GABRB3: variants seen among roughly 807,000 people sequenced by gnomAD.
The protein encoded by GABRB3 is gamma-aminobutyric acid receptor subunit beta-3.
Under a neutral mutation model 52.1 loss-of-function variants are expected in GABRB3, and 14 were observed. The ratio of observed to expected loss-of-function variants is 0.27; its 90% CI spans 0.18 to 0.42. The LOEUF (loss-of-function observed/expected upper bound fraction) is 0.42, where lower values mean the gene tolerates loss of function less well. Ranked by LOEUF, GABRB3 falls within the 10% of genes least tolerant of loss-of-function variation. GABRB3 has a pLI of 1.00. For missense variants in GABRB3, 307 were observed against 609.1 expected (o/e 0.50, Z 5.22); for synonymous variants, 260 against 232.3 (o/e 1.12, Z -1.08).
At chr15:26,706,437 G>GT (rs142556737) in intron 3 of GABRB3, among the ~76,000 whole-genome samples, 104,771 of 148,788 alleles carry the variant, frequency 0.7, 38,770 homozygotes, top group South Asian at 0.86. Flanking sequence ...CAAATTGAGG[G>GT]GTTTTTTTTT....
chr15:26,773,062 G>C lies in GABRB3; in HGVS notation c.-100C>G. On this transcript the variant is annotated 5_prime_UTR_variant, in exon 1 of 9. Transcript: ENST00000311550. ...TGCTGCCGCCGCCGCCGCCGCCGCC[G>C]CGCTGGCCCGGAGCGGAGGAGGGCG... 1.4e-6 allele frequency: 1 copy of C among 737,054 alleles called. No individual in the cohort carries two copies. The highest frequency in any genetic ancestry group is 1.7e-6 in the Non-Finnish European group (1 of 593,394). 45.7% of individuals were successfully genotyped at this position (737,054 alleles called of 1,614,324 possible).
chr15:26,704,201 G>T (rs1889025217), intron 3 of GABRB3, among the ~76,000 whole-genome samples: 1 of 152,236 alleles, frequency 6.6e-6, no homozygotes, highest in Non-Finnish European at 1.5e-5. Flanking sequence ...CAGAGCCACA[G>T]TTCAGCCTGC....
intron 3 of GABRB3, among the ~76,000 whole-genome samples, chr15:26,660,352 A>T (rs891275535): frequency 6.6e-6 from 1 of 152,208 alleles, no homozygotes; most frequent in Non-Finnish European, 1.5e-5. Context: ...TGTAATAAAC[A>T]GTTTTGTTAC....
intron 5 of GABRB3, chr15:26,581,135 G>T (rs926816151): frequency 5.0e-5 from 8 of 161,108 alleles, no homozygotes; most frequent in Non-Finnish European, 9.6e-5. Context: ...TATTTACAGC[G>T]TGATTCATCA....
chr15:26,759,297 C>T (rs1432867078), intron 3 of GABRB3, among the ~76,000 whole-genome samples: 1 of 152,116 alleles, frequency 6.6e-6, no homozygotes, highest in African/African-American at 2.4e-5. Context: ...CTCTGTAGCC[C>T]AGGCTGGAGT....
chr15:26,572,441 C>G (rs976652604), intron 6 of GABRB3, among the ~76,000 whole-genome samples: 3 of 152,244 alleles, frequency 2.0e-5, no homozygotes, highest in African/African-American at 7.2e-5. Context: ...ATTCAAGATG[C>G]CACGAGACAG....
intron 3 of GABRB3, among the ~76,000 whole-genome samples, chr15:26,712,820 C>T (rs141475312): frequency 6.6e-6 from 1 of 152,188 alleles, no homozygotes; most frequent in African/African-American, 2.4e-5. Flanking sequence ...CTGGGAGGCA[C>T]AGAGCAGATA....
chr15:26,725,225 T>G (rs1889739996), intron 3 of GABRB3, among the ~76,000 whole-genome samples: 1 of 151,942 alleles, frequency 6.6e-6, no homozygotes, highest in Non-Finnish European at 1.5e-5. Context: ...TTGTGAGGAG[T>G]TTCAACTGAC....
At chr15:26,688,773 A>G (rs980827838) in intron 3 of GABRB3, among the ~76,000 whole-genome samples, 1 of 152,226 alleles carries the variant, frequency 6.6e-6, no homozygotes, top group African/African-American at 2.4e-5. Context: ...AGCCACTGAC[A>G]GCTGGCTACC....
chr15:26,669,098 C>G (rs531212430), intron 3 of GABRB3, among the ~76,000 whole-genome samples: 5 of 152,168 alleles, frequency 3.3e-5, no homozygotes, highest in Non-Finnish European at 7.3e-5. Flanking sequence ...GCCCCACACT[C>G]CGTCTATCTG....
chr15:26,699,834 G>A (rs1044799678), intron 3 of GABRB3, among the ~76,000 whole-genome samples: 5 of 151,862 alleles, frequency 3.3e-5, no homozygotes, highest in Non-Finnish European at 5.9e-5. Context: ...TAATATTGTG[G>A]GCTGCTTAAA....
chr15:26,766,456 C>T (rs1018956606), intron 3 of GABRB3, among the ~76,000 whole-genome samples: 4 of 152,176 alleles, frequency 2.6e-5, no homozygotes, highest in African/African-American at 9.7e-5. Context: ...TTCTCAATTT[C>T]TTTTGTTCCT....
At chr15:26,672,866 G>A (rs944248724) in intron 3 of GABRB3, among the ~76,000 whole-genome samples, 5 of 152,182 alleles carry the variant, frequency 3.3e-5, no homozygotes, top group African/African-American at 1.2e-4. Flanking sequence ...AAAACACCAA[G>A]AGAAAGGAGA....
intron 4 of GABRB3, among the ~76,000 whole-genome samples, chr15:26,604,016 G>C (rs1370529636): frequency 6.6e-6 from 1 of 152,004 alleles, no homozygotes; most frequent in African/African-American, 2.4e-5. Flanking sequence ...TCTTATAATT[G>C]GAAAACCTTG....
chr15:26,627,561 G>C (rs1892752817), intron 3 of GABRB3, among the ~76,000 whole-genome samples: 1 of 151,846 alleles, frequency 6.6e-6, no homozygotes, highest in Non-Finnish European at 1.5e-5. Flanking sequence ...GGAAGATGTG[G>C]ATTCCAGCCC....
At chr15:26,554,180 A>ATC (rs1488368574) in intron 8 of GABRB3, among the ~76,000 whole-genome samples, 1 of 26,738 alleles carries the variant, frequency 3.7e-5, no homozygotes, top group African/African-American at 1.8e-4. Flanking sequence ...TATAAAGTAT[A>ATC]TATATATATA....
intron 6 of GABRB3, among the ~76,000 whole-genome samples, chr15:26,574,713 G>A (rs1890529622): frequency 6.6e-6 from 1 of 152,168 alleles, no homozygotes; most frequent in African/African-American, 2.4e-5. Flanking sequence ...GGAGAAACTA[G>A]ATTAGTGGTT....
At chr15:26,700,343 G>C (rs1888887243) in intron 3 of GABRB3, among the ~76,000 whole-genome samples, 1 of 152,128 alleles carries the variant, frequency 6.6e-6, no homozygotes, top group Non-Finnish European at 1.5e-5. Flanking sequence ...TTAATTTTTA[G>C]ATAAAAACCT....
chr15:26,755,339 T>A (rs561026038), intron 3 of GABRB3, among the ~76,000 whole-genome samples: 1 of 152,270 alleles, frequency 6.6e-6, no homozygotes, highest in East Asian at 1.9e-4. Context: ...TTCTTAGGCC[T>A]GACTTCTGAG....
Sources: gnomAD v4.1 joint callset for allele counts (sites outside exome capture counted in the v4.1 genomes callset) on GRCh38, gnomAD v4.1.1 for gene constraint, MANE v1.5 for transcripts, NCBI Gene and HGNC (gene_info 2026-07-23, HGNC 2026-07-21) for gene names.